Variants in ITGA6 observed in about 807,000 individuals in gnomAD.
ITGA6 encodes the protein integrin alpha-6.
ITGA6 carries 63 observed loss-of-function variants against 133.6 expected under a neutral mutation model. The ratio of observed to expected loss-of-function variants is 0.47; its 90% confidence interval spans 0.38 to 0.58. The LOEUF (loss-of-function observed/expected upper bound fraction) is 0.58, where lower values mean the gene tolerates loss of function less well. ITGA6 is among the 20% of genes least tolerant of loss of function. ITGA6 has a pLI of 0.00. For missense variants in ITGA6, 1,068 were observed against 1,309.4 expected (o/e 0.82, Z 2.85); for synonymous variants, 434 against 482.0 (o/e 0.90, Z 1.30).
At chr2:172,453,239 G>A (rs976188315) in intron 1 of ITGA6, among the ~76,000 whole-genome samples, 3 of 151,566 alleles carry the variant, frequency 2.0e-5, no homozygotes, top group Non-Finnish European at 4.4e-5. Context: ...TTAAATCACA[G>A]TACAGGGCTG....
chr2:172,460,774 T>G (rs1043417010), intron 1 of ITGA6, among the ~76,000 whole-genome samples: 2 of 152,236 alleles, frequency 1.3e-5, no homozygotes, highest in Non-Finnish European at 2.9e-5. Context: ...CTTTCTAACT[T>G]TTTAGGTCTT....
intron 1 of ITGA6, among the ~76,000 whole-genome samples, chr2:172,440,602 C>A (rs1684500075): frequency 6.6e-6 from 1 of 152,082 alleles, no homozygotes; most frequent in African/African-American, 2.4e-5. Context: ...GTATTAGTGG[C>A]AATGAAATTT....
At chr2:172,435,623 T>C (rs1684286643) in intron 1 of ITGA6, among the ~76,000 whole-genome samples, 1 of 135,070 alleles carries the variant, frequency 7.4e-6, no homozygotes, top group Non-Finnish European at 1.6e-5. Context: ...TTTCTTTTTT[T>C]TTTTTTTTTT....
At chr2:172,436,692 G>A (rs983234040) in intron 1 of ITGA6, among the ~76,000 whole-genome samples, 1 of 152,186 alleles carries the variant, frequency 6.6e-6, no homozygotes. Flanking sequence ...CAGAGAAACC[G>A]TGGCCAGCTT....
At chr2:172,469,587 C>T (rs967956906) in intron 4 of ITGA6, among the ~76,000 whole-genome samples, 1 of 152,082 alleles carries the variant, frequency 6.6e-6, no homozygotes, top group African/African-American at 2.4e-5. Context: ...TCCCCTCTAC[C>T]AGTACTTTAC....
chr2:172,461,797 C>T lies in ITGA6; in HGVS notation c.183-3742C>T, dbSNP rs78283715. Among the ~76,000 whole-genome samples, 50 of 152,278 alleles carry T rather than the reference C, an allele frequency of 3.3e-4. 2 individuals are homozygous for T. The East Asian group carries it at 8.7e-3, about 26-fold the overall frequency. ...GGCTGAGGGTCCTCCTAGGTGTAGACTGTCCCTCCTGGACCTGTACCCACT... is the reference window on the plus strand; with the variant it reads ...GGCTGAGGGTCCTCCTAGGTGTAGATTGTCCCTCCTGGACCTGTACCCACT... On this transcript the variant is annotated intron_variant, in intron 1 of 25. Coordinates refer to ENST00000684293, the MANE Select transcript of ITGA6 (RefSeq NM_000210.4).
intron 1 of ITGA6, among the ~76,000 whole-genome samples, chr2:172,434,792 C>T (rs1684249534): frequency 6.6e-6 from 1 of 151,978 alleles, no homozygotes; most frequent in African/African-American, 2.4e-5. Flanking sequence ...AAAGCCATTT[C>T]AGATATAGTA....
At chr2:172,453,756 T>C (rs1174102997) in intron 1 of ITGA6, among the ~76,000 whole-genome samples, 1 of 152,246 alleles carries the variant, frequency 6.6e-6, no homozygotes, top group Admixed American at 6.5e-5. Flanking sequence ...CTCAAAGTTT[T>C]AAGTCTGCTG....
In ITGA6 at chr2:172,427,975, G is replaced by A; in HGVS notation, c.182+5G>A. On this transcript the variant is annotated splice_donor_5th_base_variant and intron_variant, in intron 1 of 25. Coordinates refer to ENST00000684293, the MANE Select transcript of ITGA6 (RefSeq NM_000210.4). ...GCAGCCCGAGGACAAGCGGCTGTGA[G>A]TTCCCAGACCCTTCCCACCCCCACT... The A allele has an allele frequency of 6.2e-7, 1 of 1,602,718 alleles. No homozygotes were observed. Among genetic ancestry groups the A allele is most frequent in the Non-Finnish European group, 8.5e-7 (1 of 1,175,544 alleles).
intron 1 of ITGA6, among the ~76,000 whole-genome samples, chr2:172,461,071 A>G (rs1375487575): frequency 6.6e-6 from 1 of 152,232 alleles, no homozygotes; most frequent in Non-Finnish European, 1.5e-5. Context: ...GATGTGGCTT[A>G]CTTGAAGAAT....
intron 9 of ITGA6, 86 bp downstream of exon 9, chr2:172,476,599 A>G: frequency 1.2e-6 from 1 of 819,000 alleles, no homozygotes; most frequent in Non-Finnish European, 2.2e-6. Flanking sequence ...AATTTGTCAT[A>G]CCTATACTTC....
chr2:172,491,099 G>C lies in ITGA6; in HGVS notation c.2755G>C (p.Ala919Pro). 1 of 1,561,292 alleles carries C rather than the reference G, an allele frequency of 6.4e-7. No individual in the cohort carries two copies. The highest frequency in any genetic ancestry group is 8.8e-7 in the Non-Finnish European group (1 of 1,131,960). ...IDDNRKFSLF[A>P]ERKYQTLNCS... ...TGATAACAGAAAATTTTCTTTATTT[G>C]CTGAAAGAAAATACCAGACTCTTGT... The change falls in exon 21 of 26, where the codon GCT (alanine) becomes CCT (proline). Residue 919 changes from alanine (A) to proline (P), a missense_variant. Coordinates refer to ENST00000684293, the MANE Select transcript of ITGA6 (RefSeq NM_000210.4). The surrounding 1 kb of genome is among the most constrained non-coding windows in gnomAD (Gnocchi z 4.4).
At chr2:172,481,662 T>C (rs1686446377) in intron 11 of ITGA6, among the ~76,000 whole-genome samples, 1 of 152,198 alleles carries the variant, frequency 6.6e-6, no homozygotes, top group Admixed American at 6.5e-5. Flanking sequence ...TCTCCTGCTG[T>C]GTGGTCTCTC....
intron 4 of ITGA6, 39 bp from the exon 5 acceptor site, chr2:172,470,935 C>A (rs767971574): frequency 1.2e-5 from 19 of 1,606,734 alleles, no homozygotes; most frequent in Admixed American, 6.7e-5. Context: ...TTTGTTTCAT[C>A]TTCATTTTTT....
intron 23 of ITGA6, among the ~76,000 whole-genome samples, chr2:172,496,471 C>T (rs1440774016): frequency 2.6e-5 from 4 of 152,162 alleles, no homozygotes; most frequent in South Asian, 2.1e-4. Flanking sequence ...GGTTGAGAAA[C>T]TGTTTCCTAG....
intron 1 of ITGA6, among the ~76,000 whole-genome samples, chr2:172,457,236 A>G (rs1685244619): frequency 6.8e-6 from 1 of 146,640 alleles, no homozygotes; most frequent in Admixed American, 7.0e-5. Context: ...TGGAGGTTGA[A>G]GTGAGCCGAG....
chr2:172,436,549 T>G (rs2148996594), intron 1 of ITGA6, among the ~76,000 whole-genome samples: 1 of 152,088 alleles, frequency 6.6e-6, no homozygotes, highest in Admixed American at 6.5e-5. Context: ...GCTGAGAAGG[T>G]TTTTCAATAT....
chr2:172,498,453 T>C (rs948998673), intron 24 of ITGA6, among the ~76,000 whole-genome samples: 1 of 152,250 alleles, frequency 6.6e-6, no homozygotes, highest in Non-Finnish European at 1.5e-5. Flanking sequence ...AGTAATAATC[T>C]GAATGTGTAT....
At chr2:172,450,910 ATATATAAAT>A (rs1684965854) in intron 1 of ITGA6, among the ~76,000 whole-genome samples, 1 of 139,440 alleles carries the variant, frequency 7.2e-6, no homozygotes, top group South Asian at 2.1e-4. Context: ...TATTTATATT[ATATATAAAT>A]TATATAAATT....
Sources: allele counts gnomAD v4.1 joint callset (sites outside exome capture counted in the v4.1 genomes callset), GRCh38; gene constraint gnomAD v4.1.1; non-coding constraint Gnocchi (gnomAD v3.1); transcripts MANE v1.5; gene names NCBI Gene and HGNC (gene_info 2026-07-23, HGNC 2026-07-21).